CYP2U1: variants seen among roughly 807,000 people sequenced by gnomAD.
The protein encoded by CYP2U1 is cytochrome P450 family 2 subfamily U member 1, also known as cytochrome P450 2U1.
Under a neutral mutation model 42.8 loss-of-function variants are expected in CYP2U1, and 28 were observed. That is an observed-to-expected ratio of 0.65 (90% CI 0.48 to 0.90). The LOEUF is 0.90. CYP2U1 is among the 40% of genes least tolerant of loss of function. The probability of loss-of-function intolerance (pLI) is 0.00; values close to 1 mark genes in which losing one functional copy is unlikely to be tolerated. For synonymous variants in CYP2U1, 296 were observed against 278.9 expected (o/e 1.06, Z -0.61); for missense variants, 642 against 693.8 (o/e 0.93, Z 0.84).
intron 1 of CYP2U1, among the ~76,000 whole-genome samples, chr4:107,939,849 T>C (rs1458806490): frequency 6.6e-6 from 1 of 151,526 alleles, no homozygotes; most frequent in Non-Finnish European, 1.5e-5. Flanking sequence ...GGATGGGGGG[T>C]GGGGAAGAGA....
At chr4:107,932,277 T>G (rs1191165016) in intron 1 of CYP2U1, 144 bp downstream of exon 1, 32 of 1,379,450 alleles carry the variant, frequency 2.3e-5, no homozygotes, top group East Asian at 2.3e-4. Context: ...CAGGTGATGG[T>G]GGTGGCGGCG....
chr4:107,933,930 G>A (rs1202389975), intron 1 of CYP2U1, among the ~76,000 whole-genome samples: 1 of 152,148 alleles, frequency 6.6e-6, no homozygotes, highest in Non-Finnish European at 1.5e-5. Flanking sequence ...AGGGTCGACT[G>A]TATATACCAC....
At chr4:107,947,209 C>G (rs757740895) in intron 2 of CYP2U1, among the ~76,000 whole-genome samples, 167 bp from the exon 3 acceptor site, 1 of 152,174 alleles carries the variant, frequency 6.6e-6, no homozygotes, top group African/African-American at 2.4e-5. Context: ...GGCTAGCTGT[C>G]TCTACCTGAA....
At position 107,951,267 on chromosome 4, in the gene CYP2U1, A is replaced by G. The variant is rs973817905; in HGVS notation, c.*844A>G. 1.3e-5 allele frequency: 2 copies of G among 152,128 alleles called. No individual in the cohort carries two copies. Among genetic ancestry groups the G allele is most frequent in the African/African-American group, 2.4e-5 (1 of 41,424 alleles). The allele number at this position is 152,128 out of a possible 1,614,324, so 9.4% of individuals were successfully genotyped here. ...GAGTTATTTGCAAAGATGCAGCTCT[A>G]CCTTTTTACTTAAGGCCTGAATGGT... On this transcript the variant is annotated 3_prime_UTR_variant, in exon 5 of 5. Coordinates refer to ENST00000332884, the MANE Select transcript of CYP2U1 (RefSeq NM_183075.3).
intron 1 of CYP2U1, chr4:107,935,760 T>C (rs1433606804): frequency 6.6e-6 from 1 of 152,180 alleles, no homozygotes; most frequent in Non-Finnish European, 1.5e-5. Context: ...GTCAAGATGC[T>C]CAGCTCAGCA....
intron 1 of CYP2U1, 99 bp downstream of exon 1, chr4:107,932,232 C>T: frequency 6.8e-7 from 1 of 1,462,438 alleles, no homozygotes; most frequent in Non-Finnish European, 9.0e-7. Context: ...GCCGCCCGCG[C>T]CCCCAGGCTG....
At chr4:107,938,981 G>C (rs911240160) in intron 1 of CYP2U1, 1 of 152,124 alleles carries the variant, frequency 6.6e-6, no homozygotes, top group Non-Finnish European at 1.5e-5. Flanking sequence ...TGGCCAACAT[G>C]GTGAAGCCCC....
At chr4:107,935,577 A>G (rs1234933270) in intron 1 of CYP2U1, 1 of 152,234 alleles carries the variant, frequency 6.6e-6, no homozygotes, top group Non-Finnish European at 1.5e-5. Flanking sequence ...TGTGGCTAGC[A>G]GAGGATTTTT....
chr4:107,939,903 A>T (rs1287668401), intron 1 of CYP2U1, among the ~76,000 whole-genome samples: 1 of 151,932 alleles, frequency 6.6e-6, no homozygotes, highest in Admixed American at 6.6e-5. Flanking sequence ...CAAAGACAGA[A>T]CTCTTGAAGT....
At position 107,948,296 on chromosome 4, in the gene CYP2U1, G is replaced by C. The variant is rs1006119705; in HGVS notation, c.1288+759G>C. 2.0e-4 allele frequency among the ~76,000 whole-genome samples: 30 copies of C among 149,184 alleles called. 1 individual carries two copies. The highest frequency in any genetic ancestry group is 7.4e-4 in the African/African-American group (30 of 40,466). On this transcript the variant is annotated intron_variant, in intron 3 of 4. Coordinates refer to ENST00000332884, the MANE Select transcript of CYP2U1 (RefSeq NM_183075.3). The stretch of plus-strand genomic sequence containing the variant: ...AAAAAAAAAAGGGCTGGGTGCGGTG[G>C]CTCACACCTGTAATCCCAGCACTTT...
chr4:107,950,678 G>T lies in CYP2U1; in HGVS notation c.*255G>T. The T allele has an allele frequency of 6.0e-6, 2 of 333,174 alleles. 1 individual carries two copies. Among genetic ancestry groups the T allele is most frequent in the Middle Eastern group, 1.7e-3 (2 of 1,186 alleles). The allele number at this position is 333,174 out of a possible 1,614,324, so 20.6% of individuals were successfully genotyped here. On this transcript the variant is annotated 3_prime_UTR_variant, in exon 5 of 5. Transcript: ENST00000332884. ...AAGTACCTATGAAACGGGATATCTGGATTTTACTTGCAGTGGCTTCCACCG... is the reference window on the plus strand; with the variant it reads ...AAGTACCTATGAAACGGGATATCTGTATTTTACTTGCAGTGGCTTCCACCG...
chr4:107,949,782 C>G (rs1733844373), intron 4 of CYP2U1, among the ~76,000 whole-genome samples: 1 of 152,110 alleles, frequency 6.6e-6, no homozygotes, highest in South Asian at 2.1e-4. Context: ...TACTTAAGAG[C>G]AATTTCTGAT....
chr4:107,952,569 C>T lies in CYP2U1; in HGVS notation c.*2146C>T, dbSNP rs368697488. On this transcript the variant is annotated 3_prime_UTR_variant, in exon 5 of 5. Coordinates refer to ENST00000332884, the MANE Select transcript of CYP2U1 (RefSeq NM_183075.3). ...TTCTATAACTGATCACCCTTCTTTGCTCTGTTTTCCAGATAAATGGAGACA... is the reference window on the plus strand; with the variant it reads ...TTCTATAACTGATCACCCTTCTTTGTTCTGTTTTCCAGATAAATGGAGACA... The T allele has an allele frequency of 6.6e-6, 1 of 152,196 alleles. No individual in the cohort carries two copies. Among genetic ancestry groups the T allele is most frequent in the East Asian group, 1.9e-4 (1 of 5,192 alleles). The allele number at this position is 152,196 out of a possible 1,614,324, so 9.4% of individuals were successfully genotyped here.
rs775613923 is a variant in CYP2U1 at position 107,931,619 on chromosome 4, A to G, written c.-25A>G. 1.8e-4 allele frequency: 221 copies of G among 1,250,084 alleles called. 1 individual carries two copies. Among genetic ancestry groups the G allele is most frequent in the Admixed American group, 1.1e-3 (26 of 23,850 alleles). 77.4% of individuals were successfully genotyped at this position (1,250,084 alleles called of 1,614,324 possible). A position where few individuals can be genotyped will look rare whatever the true frequency, so the allele number is the denominator to read the frequency against. ...GCGTCTCCTCCAGGCAGCAAGGGGA[A>G]CCCGAGGCCGCCGGCGCCCGGACCA... On this transcript the variant is annotated 5_prime_UTR_variant, in exon 1 of 5. Coordinates refer to ENST00000332884, the MANE Select transcript of CYP2U1 (RefSeq NM_183075.3).
In CYP2U1 at chr4:107,945,022, T is replaced by G. The variant is rs1471999707; in HGVS notation, c.543T>G (p.Ser181=). ...GPVWRQQRKF[S]HSTLRHFGLG... The stretch of plus-strand genomic sequence containing the variant: ...TCTGGAGACAACAAAGGAAGTTCTC[T>G]CATTCAACTCTTCGTCATTTTGGGT... Residue 181 remains serine, a synonymous_variant, in exon 2 of 5, where the codon TCT becomes TCG. Coordinates refer to ENST00000332884, the MANE Select transcript of CYP2U1 (RefSeq NM_183075.3). 1 of 1,613,526 alleles carries G rather than the reference T, an allele frequency of 6.2e-7. No individual in the cohort carries two copies.
At chr4:107,941,140 T>A (rs1408930016) in intron 1 of CYP2U1, 2 of 152,028 alleles carry the variant, frequency 1.3e-5, no homozygotes, top group Non-Finnish European at 2.9e-5. Context: ...GATAAATGGA[T>A]CCACTTTTAA....
chr4:107,937,239 G>GA (rs949220469), intron 1 of CYP2U1: 1 of 152,146 alleles, frequency 6.6e-6, no homozygotes, highest in Non-Finnish European at 1.5e-5. Flanking sequence ...AAGATAAACA[G>GA]AAAATGAAAG....
At position 107,950,270 on chromosome 4, in the gene CYP2U1, A is replaced by G. The variant is rs1308631820; in HGVS notation, c.1482A>G (p.Gln494=). The change falls in exon 5 of 5, where the codon CAA becomes CAG. Residue 494 remains glutamine (Q), a synonymous_variant. Coordinates refer to ENST00000332884, the MANE Select transcript of CYP2U1 (RefSeq NM_183075.3). ...GGAAGCGGGTGTGTATGGGAGAACA[A>G]CTGGCAAAGATGGAATTATTCCTAA... The part of the protein sequence containing the change: ...GIGKRVCMGE[Q]LAKMELFLMF... 2 of 1,613,026 alleles carry G rather than the reference A, an allele frequency of 1.2e-6. No individual in the cohort carries two copies. Among genetic ancestry groups the G allele is most frequent in the African/African-American group, 1.3e-5 (1 of 74,848 alleles).
chr4:107,947,516 C>T lies in CYP2U1; in HGVS notation c.1267C>T (p.His423Tyr), dbSNP rs1176474410. The change falls in exon 3 of 5, where the codon CAT becomes TAT. Residue 423 changes from histidine (H) to tyrosine (Y), a missense_variant. By Grantham distance (83) the His-to-Tyr change is moderately conservative. Coordinates refer to ENST00000332884, the MANE Select transcript of CYP2U1 (RefSeq NM_183075.3). ...LTVVVPLAIP[H>Y]MTSENTVLQG... ...TGTGGTGGTGCCGCTTGCCATTCCT[C>T]ATATGACCTCAGAGAACACAGGCAA... is the stretch of plus-strand genomic sequence containing the variant. The T allele has an allele frequency of 1.9e-6, 3 of 1,614,074 alleles. No individual in the cohort carries two copies. The South Asian group carries it at 3.3e-5, about 18-fold the overall frequency.
Sources: gnomAD v4.1 joint callset for allele counts (sites outside exome capture counted in the v4.1 genomes callset) on GRCh38, gnomAD v4.1.1 for gene constraint, MANE v1.5 for transcripts, NCBI Gene and HGNC (gene_info 2026-07-23, HGNC 2026-07-21) for gene names.